Variants in BIN2 observed in about 807,000 individuals in gnomAD.
BIN2 encodes the protein bridging integrator 2.
Under a neutral mutation model 67.9 loss-of-function variants are expected in BIN2, and 43 were observed. The ratio of observed to expected loss-of-function variants is 0.63; its 90% CI spans 0.50 to 0.82. The LOEUF (loss-of-function observed/expected upper bound fraction) is 0.82, where lower values mean the gene tolerates loss of function less well. Ranked by LOEUF, BIN2 falls within the 40% of genes least tolerant of loss-of-function variation. The pLI is 0.00. For missense variants in BIN2, 581 were observed against 671.6 expected (o/e 0.87, Z 1.49); for synonymous variants, 244 against 246.8 (o/e 0.99, Z 0.11).
intron 2 of BIN2, among the ~76,000 whole-genome samples, chr12:51,305,936 C>T (rs151167762): frequency 3.3e-4 from 48 of 146,860 alleles, no homozygotes; most frequent in Non-Finnish European, 4.5e-4. Context: ...TGGGTTCAAG[C>T]GACAATTCTC....
intron 10 of BIN2, among the ~76,000 whole-genome samples, chr12:51,290,818 A>G (rs1175510551): frequency 6.6e-6 from 1 of 152,190 alleles, no homozygotes; most frequent in African/African-American, 2.4e-5. Flanking sequence ...CCGTAGTCCC[A>G]GCTACTCGGG....
chr12:51,313,361 G>A (rs977037850), intron 2 of BIN2, among the ~76,000 whole-genome samples: 4 of 150,836 alleles, frequency 2.7e-5, no homozygotes. Flanking sequence ...TTTTTGAGAT[G>A]GAGTTTCACT....
intron 2 of BIN2, among the ~76,000 whole-genome samples, chr12:51,306,515 T>G (rs1945869537): frequency 6.6e-6 from 1 of 152,068 alleles, no homozygotes; most frequent in Non-Finnish European, 1.5e-5. Context: ...TAATCCCAAC[T>G]ACTCGGGAGG....
At chr12:51,301,294 A>C (rs1485020438) in intron 5 of BIN2, among the ~76,000 whole-genome samples, 3 of 152,162 alleles carry the variant, frequency 2.0e-5, no homozygotes, top group African/African-American at 4.8e-5. Flanking sequence ...GCTTTCTGGA[A>C]CAGAAAGCAG....
intron 10 of BIN2, among the ~76,000 whole-genome samples, chr12:51,290,826 G>C (rs1003063238): frequency 6.6e-6 from 1 of 152,050 alleles, no homozygotes; most frequent in Non-Finnish European, 1.5e-5. Flanking sequence ...CCAGCTACTC[G>C]GGAGGCTGAG....
intron 9 of BIN2, among the ~76,000 whole-genome samples, chr12:51,295,392 C>CAAAAAAAAA (rs1178848004): frequency 7.4e-4 from 68 of 91,446 alleles, no homozygotes; most frequent in Non-Finnish European, 9.5e-4. Context: ...ACTAAAAATA[C>CAAAAAAAAA]AAAAAAAAAA....
intron 2 of BIN2, among the ~76,000 whole-genome samples, chr12:51,312,052 G>A (rs979185678): frequency 6.6e-5 from 10 of 152,170 alleles, no homozygotes; most frequent in African/African-American, 2.2e-4. Flanking sequence ...GATTATAGGC[G>A]TGAGCCACTG....
At chr12:51,297,038 T>C (rs771615186) in intron 8 of BIN2, 51 bp downstream of exon 8, 1 of 1,496,012 alleles carries the variant, frequency 6.7e-7, no homozygotes. Flanking sequence ...GCTACCTTCA[T>C]ATTTACTAGA....
In BIN2 at chr12:51,288,217, A is replaced by G. The variant is rs769345044; in HGVS notation, c.1516-29T>C. ...TGAATCAAAGTGAACAATGGAGGAG[A>G]GAGTCCCACACCTTCCACCTGGGGG... On this transcript the variant is annotated intron_variant, in intron 10 of 12. Coordinates refer to ENST00000615107, the MANE Select transcript of BIN2 (RefSeq NM_016293.4). 6 of 1,586,272 alleles carry G rather than the reference A, an allele frequency of 3.8e-6. No individual in the cohort carries two copies. In the South Asian group the frequency reaches 5.5e-5, roughly 15 times the overall value.
chr12:51,307,235 A>G (rs866263214), intron 2 of BIN2, among the ~76,000 whole-genome samples: 1 of 149,822 alleles, frequency 6.7e-6, no homozygotes, highest in African/African-American at 2.5e-5. Flanking sequence ...GTGAGCTGAG[A>G]TCGCGACACC....
chr12:51,289,666 A>C (rs1592251840), intron 10 of BIN2, among the ~76,000 whole-genome samples: 1 of 152,252 alleles, frequency 6.6e-6, no homozygotes, highest in East Asian at 1.9e-4. Flanking sequence ...GATCCTTCAC[A>C]GAACTAGTTG....
intron 12 of BIN2, among the ~76,000 whole-genome samples, chr12:51,281,790 T>G (rs556557935): frequency 2.6e-5 from 4 of 152,276 alleles, no homozygotes; most frequent in Admixed American, 2.6e-4. Flanking sequence ...AGTCTTGCTC[T>G]GTCTCCCAGG....
chr12:51,299,584 T>G (rs1945664013), intron 6 of BIN2, 23 bp downstream of exon 6: 2 of 1,604,008 alleles, frequency 1.2e-6, no homozygotes, highest in African/African-American at 1.3e-5. Flanking sequence ...GTTTACCAGT[T>G]TTTGTTGTTG....
intron 10 of BIN2, 144 bp from the exon 11 acceptor site, chr12:51,288,332 T>A: frequency 3.2e-6 from 2 of 625,048 alleles, no homozygotes; most frequent in Non-Finnish European, 5.7e-6. Context: ...AGTAGTAGGG[T>A]GGTGTGATCT....
At chr12:51,313,184 G>GAGGAAGGAAGGAAGGAAGGAAGGA (rs534447282) in intron 2 of BIN2, among the ~76,000 whole-genome samples, 12 of 113,844 alleles carry the variant, frequency 1.1e-4, no homozygotes, top group African/African-American at 3.6e-4. Flanking sequence ...GTTGCAGTGA[G>GAGGAAGGAAGGAAGGAAGGAAGGA]AGGAAGGAAG....
intron 7 of BIN2, 153 bp from the exon 8 acceptor site, chr12:51,297,317 C>T (rs369744351): frequency 3.1e-6 from 2 of 653,036 alleles, no homozygotes; most frequent in Non-Finnish European, 2.6e-6. Context: ...GCCTGTAATC[C>T]CAGCACTTTG....
At chr12:51,321,827 G>T (rs1275111871) in intron 1 of BIN2, among the ~76,000 whole-genome samples, 1 of 152,150 alleles carries the variant, frequency 6.6e-6, no homozygotes, top group East Asian at 1.9e-4. Flanking sequence ...TGCAGAAAAA[G>T]CAAAAAGTGT....
intron 9 of BIN2, among the ~76,000 whole-genome samples, chr12:51,294,167 T>A (rs1007943439): frequency 1.2e-4 from 18 of 152,192 alleles, no homozygotes; most frequent in Non-Finnish European, 2.1e-4. Context: ...AGCAGAGCTA[T>A]TATAACAACA....
intron 1 of BIN2, among the ~76,000 whole-genome samples, chr12:51,323,663 A>G (rs1946349288): frequency 6.6e-6 from 1 of 152,182 alleles, no homozygotes; most frequent in Non-Finnish European, 1.5e-5. Context: ...TAAAATACCA[A>G]TTTTGGATTG....
Sources: gnomAD v4.1 joint callset for allele counts (sites outside exome capture counted in the v4.1 genomes callset) on GRCh38, gnomAD v4.1.1 for gene constraint, MANE v1.5 for transcripts, NCBI Gene and HGNC (gene_info 2026-07-23, HGNC 2026-07-21) for gene names.